CEP192: variants seen among roughly 807,000 people sequenced by gnomAD.
CEP192 encodes the protein centrosomal protein 192.
Under a neutral mutation model 271.8 loss-of-function variants are expected in CEP192, and 151 were observed. The observed-to-expected ratio is 0.56, with a 90% CI of 0.49 to 0.64. CEP192 has a LOEUF of 0.64. Among genes scored for constraint, CEP192 ranks in the 30% least tolerant of loss-of-function variants. The probability of loss-of-function intolerance (pLI) is 0.00; values close to 1 mark genes in which losing one functional copy is unlikely to be tolerated. For missense variants in CEP192, 2,910 were observed against 3,020.5 expected (o/e 0.96, Z 0.86); for synonymous variants, 995 against 1,076.5 (o/e 0.92, Z 1.48).
At chr18:13,098,393 G>A (rs1254288296) in intron 36 of CEP192, among the ~76,000 whole-genome samples, 182 of 151,462 alleles carry the variant, frequency 1.2e-3, no homozygotes, top group Non-Finnish European at 1.9e-3. Context: ...CGGGGCGGCT[G>A]CCGGGCGGAG....
chr18:13,016,613 A>G (rs991270983), intron 6 of CEP192, among the ~76,000 whole-genome samples: 5 of 152,312 alleles, frequency 3.3e-5, no homozygotes, highest in Middle Eastern at 3.4e-3. Context: ...AATTGCTAAG[A>G]CATAGGTGAT....
Position 13,103,498 on chromosome 18 carries a change from G to A in CEP192, c.6872-11G>A. On this transcript the variant is annotated splice_polypyrimidine_tract_variant and intron_variant, in intron 38 of 44. Transcript: ENST00000506447. ...TCCGAGTTTGAGTTATGATATATGTGTTCCTTTTAGAGAGCTGTCTAGAAC... is the reference window on the plus strand; with the variant it reads ...TCCGAGTTTGAGTTATGATATATGTATTCCTTTTAGAGAGCTGTCTAGAAC... 1 of 1,609,856 alleles carries A rather than the reference G, an allele frequency of 6.2e-7. No individual in the cohort carries two copies. The highest frequency in any genetic ancestry group is 8.5e-7 in the Non-Finnish European group (1 of 1,176,360).
At position 13,085,115 on chromosome 18, in the gene CEP192, G is replaced by A. The variant is rs569181198; in HGVS notation, c.5617-1902G>A. 5.3e-4 allele frequency among the ~76,000 whole-genome samples: 80 copies of A among 152,030 alleles called. No homozygotes were observed. In the South Asian group the frequency reaches 0.011, roughly 21 times the overall value. On this transcript the variant is annotated intron_variant, in intron 30 of 44. Coordinates refer to ENST00000506447, the MANE Select transcript of CEP192 (RefSeq NM_032142.4). ...GCTGGGATTACAGGTGTGAGCCACC[G>A]TGCCTGGTCGATTTGCATTTCTCTA...
At chr18:13,021,549 C>T (rs940751177) in intron 9 of CEP192, among the ~76,000 whole-genome samples, 1 of 152,192 alleles carries the variant, frequency 6.6e-6, no homozygotes, top group African/African-American at 2.4e-5. Flanking sequence ...GTCCTTCATC[C>T]TTCAACTTAA....
chr18:13,105,155 A>G, intron 40 of CEP192, 76 bp downstream of exon 40: 1 of 1,020,076 alleles, frequency 9.8e-7, no homozygotes, highest in Non-Finnish European at 1.6e-6. Flanking sequence ...CCACCCATTT[A>G]GCTTGTTTCA....
intron 10 of CEP192, among the ~76,000 whole-genome samples, 181 bp downstream of exon 10, chr18:13,030,183 C>T (rs1021708802): frequency 6.6e-6 from 1 of 152,202 alleles, no homozygotes; most frequent in Non-Finnish European, 1.5e-5. Flanking sequence ...TATCTTTTCT[C>T]ACAGATCTAG....
intron 10 of CEP192, 37 bp from the exon 11 acceptor site, chr18:13,030,428 A>G: frequency 6.7e-7 from 1 of 1,498,104 alleles, no homozygotes; most frequent in Non-Finnish European, 9.0e-7. Context: ...TAGTTGTTAC[A>G]TGTGTCATTT....
At chr18:13,067,028 CTG>C (rs753218793) in intron 21 of CEP192, among the ~76,000 whole-genome samples, 4 of 149,568 alleles carry the variant, frequency 2.7e-5, no homozygotes, top group East Asian at 3.9e-4. Context: ...TCTTCTGTAT[CTG>C]TGGATTCTGC....
intron 15 of CEP192, among the ~76,000 whole-genome samples, chr18:13,046,132 G>T (rs944807204): frequency 2.0e-5 from 3 of 152,094 alleles, no homozygotes; most frequent in Admixed American, 2.0e-4. Context: ...CTTCTGGGGG[G>T]GCCTCAGGAA....
At chr18:13,055,034 T>G (rs1429575888) in intron 18 of CEP192, among the ~76,000 whole-genome samples, 3 of 152,112 alleles carry the variant, frequency 2.0e-5, no homozygotes, top group South Asian at 4.1e-4. Context: ...TCCCAGCACT[T>G]TGGGAGGCTG....
rs999715053 is a variant in CEP192, at chr18:13,028,571, G to A, written c.1051-1092G>A. ...TCTCACTCTTGTCCCCCAGGCTGGA[G>A]TGCAATGGCGGGTTCTTGGCTCACT... is the stretch of plus-strand genomic sequence containing the variant. On this transcript the variant is annotated intron_variant, in intron 9 of 44. Transcript: ENST00000506447. Among the ~76,000 whole-genome samples, 3 of 152,194 alleles carry A rather than the reference G, an allele frequency of 2.0e-5. No individual in the cohort carries two copies. In the East Asian group the frequency reaches 5.8e-4, roughly 29 times the overall value.
chr18:13,120,607 T>C (rs1201172662), intron 44 of CEP192, among the ~76,000 whole-genome samples: 2 of 152,240 alleles, frequency 1.3e-5, no homozygotes, highest in African/African-American at 2.4e-5. Flanking sequence ...ACTCTGAACA[T>C]ATTTAAATCT....
chr18:13,092,477 T>C lies in CEP192; in HGVS notation c.6204T>C (p.Ser2068=), dbSNP rs1388406745. ...SVIGEFRDCI[S]SREFLQPSSK... is the part of the protein sequence containing the mutation. ...TTGGAGAATTCAGAGATTGCATTTC[T>C]AGCAGAGAATTCCTTCAGCCTTCTT... The change falls in exon 34 of 45, where the codon TCT becomes TCC. Residue 2068 remains serine, a synonymous_variant. Coordinates refer to ENST00000506447, the MANE Select transcript of CEP192 (RefSeq NM_032142.4). 1.9e-6 allele frequency: 3 copies of C among 1,610,048 alleles called. 1 individual carries two copies. Among genetic ancestry groups the C allele is most frequent in the South Asian group, 2.2e-5 (2 of 90,354 alleles).
intron 40 of CEP192, among the ~76,000 whole-genome samples, chr18:13,109,630 G>A (rs1002618128): frequency 2.6e-5 from 4 of 151,968 alleles, no homozygotes; most frequent in Non-Finnish European, 5.9e-5. Flanking sequence ...AAAAAAAATT[G>A]AAATTAATGA....
At chr18:13,088,438 CATAA>C (rs1207611199) in intron 32 of CEP192, among the ~76,000 whole-genome samples, 2 of 152,122 alleles carry the variant, frequency 1.3e-5, no homozygotes, top group African/African-American at 2.4e-5. Flanking sequence ...AGACCTCTCT[CATAA>C]ATAAATAAAT....
intron 1 of CEP192, among the ~76,000 whole-genome samples, chr18:12,994,559 A>AAGGGTGAGGAGGCTTTTCAGT (rs992374328): frequency 2.0e-5 from 3 of 152,176 alleles, no homozygotes; most frequent in African/African-American, 7.2e-5. Flanking sequence ...AAACATGGAA[A>AAGGGTGAGGAGGCTTTTCAGT]AGGGTGAGGA....
intron 15 of CEP192, among the ~76,000 whole-genome samples, chr18:13,043,822 C>T (rs1453258370): frequency 6.6e-6 from 1 of 152,096 alleles, no homozygotes; most frequent in Middle Eastern, 3.2e-3. Context: ...TTTTTCACAT[C>T]ATCTTGTTAG....
chr18:13,009,992 G>A (rs892995008), intron 4 of CEP192, among the ~76,000 whole-genome samples: 12 of 151,656 alleles, frequency 7.9e-5, no homozygotes, highest in African/African-American at 2.7e-4. Flanking sequence ...AACTCTGTCT[G>A]TACAAAAAAT....
chr18:13,075,067 A>G (rs921523761), intron 30 of CEP192, among the ~76,000 whole-genome samples: 1 of 152,196 alleles, frequency 6.6e-6, no homozygotes, highest in Non-Finnish European at 1.5e-5. Context: ...TTGGAAACTT[A>G]CTCTGCAGTA....
Sources: allele counts gnomAD v4.1 joint callset (sites outside exome capture counted in the v4.1 genomes callset), GRCh38; gene constraint gnomAD v4.1.1; transcripts MANE v1.5; gene names NCBI Gene and HGNC (gene_info 2026-07-23, HGNC 2026-07-21).